TBC1D8: variants seen among roughly 807,000 people sequenced by gnomAD.
TBC1D8 encodes BUB2-like protein 1.
A neutral mutation model predicts 118.8 loss-of-function variants in TBC1D8; 65 were observed. That is an observed-to-expected ratio of 0.55 (90% CI 0.45 to 0.67). The LOEUF (loss-of-function observed/expected upper bound fraction) is 0.67. TBC1D8 is among the 30% of genes least tolerant of loss of function. The probability of loss-of-function intolerance (pLI) is 0.00; values close to 1 mark genes in which losing one functional copy is unlikely to be tolerated. For missense variants in TBC1D8, 1,376 were observed against 1,471.2 expected, an observed-to-expected ratio of 0.94 and a Z score of 1.06; for synonymous variants, 566 against 595.8, an observed-to-expected ratio of 0.95 and a Z score of 0.73.
At chr2:101,150,407 C>T (rs1223215767) in intron 1 of TBC1D8, among the ~76,000 whole-genome samples, 1 of 152,160 alleles carries the variant, frequency 6.6e-6, no homozygotes, top group Non-Finnish European at 1.5e-5. Flanking sequence ...AAACAGGTGT[C>T]CTAGCTACTG....
chr2:101,071,375 A>AAATC (rs1172229412), intron 2 of TBC1D8, among the ~76,000 whole-genome samples: 9 of 151,822 alleles, frequency 5.9e-5, no homozygotes, highest in African/African-American at 2.2e-4. Flanking sequence ...ACAAATAAAT[A>AAATC]AATAAATAAA....
intron 1 of TBC1D8, among the ~76,000 whole-genome samples, chr2:101,137,333 GA>G (rs1234045533): frequency 6.7e-6 from 1 of 148,844 alleles, no homozygotes; most frequent in African/African-American, 2.5e-5. Flanking sequence ...ACGTTTTTGA[GA>G]CGGAGTCTCG....
At position 101,037,959 on chromosome 2, in the gene TBC1D8, T is replaced by C. The variant is rs539181428; in HGVS notation, c.1276-251A>G. Reference sequence around the variant, plus strand: ...ATCTGGGTCCATATGCAGTTCCTCATGGGCAGCCCCAGCCTCCCCTCAGCT... The same window carrying C: ...ATCTGGGTCCATATGCAGTTCCTCACGGGCAGCCCCAGCCTCCCCTCAGCT... On this transcript the variant is annotated intron_variant, in intron 7 of 19. Transcript: ENST00000409318. Among the ~76,000 whole-genome samples, 14 of 152,228 alleles carry C rather than the reference T, an allele frequency of 9.2e-5. No individual in the cohort carries two copies. The East Asian group carries it at 2.3e-3, about 25-fold the overall frequency.
chr2:101,023,475 G>T (rs1680161616), intron 15 of TBC1D8: 1 of 255,186 alleles, frequency 3.9e-6, no homozygotes, highest in Non-Finnish European at 8.4e-6. Flanking sequence ...AATCAAAAAG[G>T]ACTAGCCAGA....
At position 101,127,053 on chromosome 2, in the gene TBC1D8, C is replaced by G. The variant is rs555426687; in HGVS notation, c.127+24074G>C. Among the ~76,000 whole-genome samples the G allele has an allele frequency of 2.0e-5, 3 of 152,296 alleles. No individual in the cohort carries two copies. The South Asian group carries it at 6.2e-4, about 32-fold the overall frequency. ...ACAAGCTGTTAAGAAATTGAGGCCC[C>G]TGGCCAGGCGCAGTGGTTGATACCT... On this transcript the variant is annotated intron_variant, in intron 1 of 19. Coordinates refer to ENST00000409318, the MANE Select transcript of TBC1D8 (RefSeq NM_001330348.2).
At chr2:101,017,782 G>T in intron 17 of TBC1D8, 1 of 1,505,050 alleles carries the variant, frequency 6.6e-7, no homozygotes, top group Non-Finnish European at 9.0e-7. Context: ...CCAAAATCTT[G>T]ACAAGCTCAG....
chr2:101,066,980 A>G (rs904123383), intron 2 of TBC1D8, among the ~76,000 whole-genome samples: 1 of 150,230 alleles, frequency 6.7e-6, no homozygotes, highest in Non-Finnish European at 1.5e-5. Context: ...TCAAAGTTAT[A>G]CTGACACTAT....
At chr2:101,034,071 C>G (rs1319204601) in intron 9 of TBC1D8, among the ~76,000 whole-genome samples, 1 of 152,074 alleles carries the variant, frequency 6.6e-6, no homozygotes, top group African/African-American at 2.4e-5. Flanking sequence ...GGCTGAGGCA[C>G]AAGAATCCCT....
intron 17 of TBC1D8, among the ~76,000 whole-genome samples, chr2:101,014,966 T>C (rs184089029): frequency 2.7e-5 from 4 of 149,282 alleles, no homozygotes; most frequent in Non-Finnish European, 5.9e-5. Context: ...CTGTGAAATC[T>C]ATTATTTTAT....
At chr2:101,109,683 G>A (rs1299932772) in intron 1 of TBC1D8, among the ~76,000 whole-genome samples, 2 of 152,232 alleles carry the variant, frequency 1.3e-5, no homozygotes, top group East Asian at 3.9e-4. Context: ...CCTTTCCGCA[G>A]ATGGGATGAA....
chr2:101,037,187 A>G (rs1414336825), intron 8 of TBC1D8, among the ~76,000 whole-genome samples: 1 of 152,238 alleles, frequency 6.6e-6, no homozygotes, highest in South Asian at 2.1e-4. Flanking sequence ...AGAAGACAAA[A>G]AAAAAGGAAA....
intron 2 of TBC1D8, among the ~76,000 whole-genome samples, chr2:101,075,884 A>C (rs1227453861): frequency 6.6e-6 from 1 of 152,080 alleles, no homozygotes; most frequent in Non-Finnish European, 1.5e-5. Flanking sequence ...ATATTTTTAA[A>C]CTCCTGGCTT....
chr2:101,055,187 TGAGAC>T (rs1682348482), intron 3 of TBC1D8, among the ~76,000 whole-genome samples: 1 of 151,026 alleles, frequency 6.6e-6, no homozygotes, highest in African/African-American at 2.4e-5. Context: ...GCCAGGAGTT[TGAGAC>T]CAGCCTGACC....
chr2:101,065,324 C>A (rs1682958748), intron 2 of TBC1D8, among the ~76,000 whole-genome samples: 1 of 152,240 alleles, frequency 6.6e-6, no homozygotes, highest in African/African-American at 2.4e-5. Context: ...CATCTACTGT[C>A]TAAATGCCTG....
chr2:101,078,005 G>A (rs1045026069), intron 2 of TBC1D8, among the ~76,000 whole-genome samples: 1 of 151,960 alleles, frequency 6.6e-6, no homozygotes, highest in Non-Finnish European at 1.5e-5. Flanking sequence ...GCTCCACCCG[G>A]ACCCACCAAC....
Position 101,090,778 on chromosome 2 carries a change from G to A in TBC1D8, c.128-414C>T, listed in dbSNP as rs184331725. Among the ~76,000 whole-genome samples, 434 of 152,276 alleles carry A rather than the reference G, an allele frequency of 2.9e-3. 3 individuals carry two copies. The highest frequency in any genetic ancestry group is 1.7e-3 in the Non-Finnish European group (119 of 68,032). On this transcript the variant is annotated intron_variant, in intron 1 of 19. Coordinates refer to ENST00000409318, the MANE Select transcript of TBC1D8 (RefSeq NM_001330348.2). ...AACTTGTCTGTGCCCTGGATTCCTT[G>A]TTGGTGAAATAAAATAAGCACAGTC...
intron 19 of TBC1D8, among the ~76,000 whole-genome samples, chr2:101,009,838 T>TTTG (rs1679059246): frequency 6.6e-6 from 1 of 151,506 alleles, no homozygotes; most frequent in African/African-American, 2.4e-5. Context: ...TTTTTTTTTT[T>TTTG]TGAGATGGAG....
At position 101,051,814 on chromosome 2, in the gene TBC1D8, T is replaced by C. The variant is rs376539695; in HGVS notation, c.632-1173A>G. ...TACTAAAAAGTCAAAAAATAACAGA[T>C]GCTGGCGAGGTTGTGGAGAAAAGGA... On this transcript the variant is annotated intron_variant, in intron 4 of 19. Coordinates refer to ENST00000409318, the MANE Select transcript of TBC1D8 (RefSeq NM_001330348.2). Among the ~76,000 whole-genome samples the C allele has an allele frequency of 3.3e-5, 5 of 152,340 alleles. No individual in the cohort carries two copies. In the East Asian group the frequency reaches 5.8e-4, roughly 18 times the overall value.
At chr2:101,011,362 G>T in intron 18 of TBC1D8, 89 bp downstream of exon 18, 2 of 1,269,802 alleles carry the variant, frequency 1.6e-6, no homozygotes, top group Non-Finnish European at 2.3e-6. Flanking sequence ...AGACAAGGCT[G>T]CTACAAGAAG....
Sources: allele counts gnomAD v4.1 joint callset (sites outside exome capture counted in the v4.1 genomes callset), GRCh38; gene constraint gnomAD v4.1.1; transcripts MANE v1.5; gene names NCBI Gene and HGNC (gene_info 2026-07-23, HGNC 2026-07-21).